Variants in SMYD5 observed in about 807,000 individuals in gnomAD.
The protein encoded by SMYD5 is SMYD family member 5.
SMYD5 carries 35 observed loss-of-function variants against 57.4 expected under a neutral mutation model. The observed-to-expected ratio is 0.61, with a 90% CI of 0.47 to 0.81. The LOEUF is 0.81. SMYD5 is among the 30% of genes least tolerant of loss of function. SMYD5 has a pLI of 0.00. For missense variants in SMYD5, 471 were observed against 527.9 expected, an observed-to-expected ratio of 0.89 and a Z score of 1.06; for synonymous variants, 198 against 189.7, an observed-to-expected ratio of 1.04 and a Z score of -0.36.
chr2:73,225,463 C>T (rs1686482007), intron 11 of SMYD5, 168 bp from the exon 12 acceptor site: 2 of 694,128 alleles, frequency 2.9e-6, no homozygotes, highest in Admixed American at 2.3e-5. Context: ...GGCCTGCCTA[C>T]TGAAGGCACT....
At chr2:73,219,054 C>G in intron 2 of SMYD5, 85 bp downstream of exon 2, 6 of 947,304 alleles carry the variant, frequency 6.3e-6, no homozygotes, top group East Asian at 2.4e-5. Flanking sequence ...GCTGACGTCT[C>G]TGGAACTCTG....
intron 9 of SMYD5, 76 bp downstream of exon 9, chr2:73,223,608 C>A: frequency 9.7e-7 from 1 of 1,030,848 alleles, no homozygotes; most frequent in Admixed American, 1.7e-5. Flanking sequence ...AAGTCTTTCC[C>A]CAGGGTGCTC....
rs764072764 is a variant in SMYD5, at chr2:73,221,798, G to A, written c.538-28G>A. On this transcript the variant is annotated intron_variant, in intron 5 of 12. Transcript: ENST00000389501. ...TGCCAGTGAGAAGGTGGGTATCTGT[G>A]ACCCTTAAGTATGTTTGTTCACTGC... is the stretch of plus-strand genomic sequence containing the variant. 108 of 1,523,898 alleles carry A rather than the reference G, an allele frequency of 7.1e-5. 1 individual carries two copies. The Middle Eastern group carries it at 1.5e-3, about 21-fold the overall frequency. The allele number at this position is 1,523,898 out of a possible 1,614,324, so 94.4% of individuals were successfully genotyped here. A position where few individuals can be genotyped will look rare whatever the true frequency, so the allele number is the denominator to read the frequency against.
chr2:73,218,203 C>G (rs1686323905), intron 1 of SMYD5, among the ~76,000 whole-genome samples: 1 of 152,240 alleles, frequency 6.6e-6, no homozygotes. Flanking sequence ...TATTATAATG[C>G]TCACTTTTCA....
In SMYD5 at chr2:73,221,754, T is replaced by C. The variant is rs542733786; in HGVS notation, c.538-72T>C. The C allele has an allele frequency of 8.7e-4, 907 of 1,045,786 alleles. 3 individuals carry two copies. The highest frequency in any genetic ancestry group is 7.8e-4 in the Non-Finnish European group (516 of 665,066). The allele number at this position is 1,045,786 out of a possible 1,614,324, so 64.8% of individuals were successfully genotyped here. ...CCCTATAAGTTCCTGTGTAGTGGTA[T>C]TTCCCAAGTGGGCGGGAGTGCCAGT... On this transcript the variant is annotated intron_variant, in intron 5 of 12. Coordinates refer to ENST00000389501, the MANE Select transcript of SMYD5 (RefSeq NM_006062.3).
intron 11 of SMYD5, 182 bp from the exon 12 acceptor site, chr2:73,225,449 T>C (rs192460252): frequency 2.1e-5 from 14 of 682,384 alleles, no homozygotes; most frequent in Non-Finnish European, 3.5e-5. Context: ...TGGAGCCTTA[T>C]AGTGGCCTGC....
chr2:73,219,915 T>C (rs1480378113), intron 2 of SMYD5, 136 bp from the exon 3 acceptor site: 15 of 1,005,308 alleles, frequency 1.5e-5, no homozygotes, highest in Non-Finnish European at 2.4e-5. Context: ...ATGTAATTAT[T>C]CATTTACTCA....
intron 1 of SMYD5, among the ~76,000 whole-genome samples, chr2:73,217,137 A>T (rs995297783): frequency 6.6e-6 from 1 of 152,022 alleles, no homozygotes; most frequent in Admixed American, 6.6e-5. Flanking sequence ...TTTTTAGTAG[A>T]GACAGGGTTT....
rs1686372050 is a variant in SMYD5 at position 73,220,782 on chromosome 2, G to A, written c.467G>A (p.Arg156Lys). The A allele has an allele frequency of 6.2e-7, 1 of 1,613,834 alleles. No individual in the cohort carries two copies. The highest frequency in any genetic ancestry group is 1.1e-5 in the South Asian group (1 of 91,072). ...HPLNKLQEAWRSIHYPPETAS... is the reference protein window; with the variant it reads ...HPLNKLQEAWKSIHYPPETAS... Reference sequence around the variant, plus strand: ...CTCAATAAGCTTCAGGAGGCATGGAGGTAGGTTTCTTTTCCTCTCTTCTTT... The same window carrying A: ...CTCAATAAGCTTCAGGAGGCATGGAAGTAGGTTTCTTTTCCTCTCTTCTTT... Residue 156 changes from arginine (R) to lysine (K), a missense_variant and splice_region_variant, in exon 4 of 13, where the codon AGG becomes AAG. Arg to Lys is a conservative substitution (Grantham distance 26, BLOSUM62 2). Transcript: ENST00000389501.
intron 3 of SMYD5, 103 bp downstream of exon 3, chr2:73,220,293 C>G: frequency 8.0e-7 from 1 of 1,255,386 alleles, no homozygotes; most frequent in Non-Finnish European, 1.1e-6. Flanking sequence ...TGGTCATGGC[C>G]CTTGAAAACT....
chr2:73,225,350 C>T (rs1181664430), intron 11 of SMYD5: 2 of 547,804 alleles, frequency 3.7e-6, no homozygotes, highest in Non-Finnish European at 6.5e-6. Flanking sequence ...ATACCAAGAC[C>T]TCTGATCCCA....
chr2:73,221,766 G>A (rs1306471687), intron 5 of SMYD5, 60 bp from the exon 6 acceptor site: 3 of 1,166,570 alleles, frequency 2.6e-6, no homozygotes, highest in African/African-American at 3.0e-5. Flanking sequence ...TCCCAAGTGG[G>A]CGGGAGTGCC....
At position 73,226,496 on chromosome 2, in the gene SMYD5, C is replaced by T. The variant is rs1268721597; in HGVS notation, c.*550C>T. The T allele has an allele frequency of 6.5e-6, 1 of 153,650 alleles. No individual in the cohort carries two copies. The highest frequency in any genetic ancestry group is 1.4e-5 in the Non-Finnish European group (1 of 69,018). 9.5% of individuals were successfully genotyped at this position (153,650 alleles called of 1,614,324 possible). Reference sequence around the variant, plus strand: ...GGATCTGGGCATCCTGAGCCCCTTCCCTGAGGCTGTCTCCTGGGAATGCTG... The same window carrying T: ...GGATCTGGGCATCCTGAGCCCCTTCTCTGAGGCTGTCTCCTGGGAATGCTG... On this transcript the variant is annotated 3_prime_UTR_variant, in exon 13 of 13. Coordinates refer to ENST00000389501, the MANE Select transcript of SMYD5 (RefSeq NM_006062.3).
chr2:73,226,017 G>A lies in SMYD5; in HGVS notation c.*71G>A. On this transcript the variant is annotated 3_prime_UTR_variant, in exon 13 of 13. Transcript: ENST00000389501. ...AGGGGGCTCTTCCCCCAGAGAAGTG[G>A]CTTGGAGGGAACTTCCCACTCCCAT... 1 of 1,512,924 alleles carries A rather than the reference G, an allele frequency of 6.6e-7. No individual in the cohort carries two copies. Among genetic ancestry groups the A allele is most frequent in the Non-Finnish European group, 8.8e-7 (1 of 1,130,150 alleles). 93.7% of individuals were successfully genotyped at this position (1,512,924 alleles called of 1,614,324 possible).
At chr2:73,219,829 G>T in intron 2 of SMYD5, 3 of 644,780 alleles carry the variant, frequency 4.7e-6, no homozygotes, top group Non-Finnish European at 8.6e-6. Context: ...AGGGCCAGGA[G>T]GTCCTTGAGA....
In SMYD5 at chr2:73,220,783, G is replaced by A. The variant is rs1397927384; in HGVS notation, c.467+1G>A. 3.7e-6 allele frequency: 6 copies of A among 1,613,856 alleles called. No homozygotes were observed. The highest frequency in any genetic ancestry group is 5.1e-6 in the Non-Finnish European group (6 of 1,179,964). On this transcript the variant is annotated splice_donor_variant, in intron 4 of 12. Transcript: ENST00000389501. LOFTEE classifies it high-confidence loss of function. ...TCAATAAGCTTCAGGAGGCATGGAGGTAGGTTTCTTTTCCTCTCTTCTTTC... is the reference window on the plus strand; with the variant it reads ...TCAATAAGCTTCAGGAGGCATGGAGATAGGTTTCTTTTCCTCTCTTCTTTC...
chr2:73,221,445 T>C (rs2103716301), intron 5 of SMYD5, among the ~76,000 whole-genome samples: 1 of 151,964 alleles, frequency 6.6e-6, no homozygotes, highest in Admixed American at 6.6e-5. Context: ...TTTTTTTTTT[T>C]TTTTTGTAAC....
intron 1 of SMYD5, among the ~76,000 whole-genome samples, chr2:73,217,158 G>C (rs547499636): frequency 1.3e-5 from 2 of 152,088 alleles, no homozygotes; most frequent in Admixed American, 1.3e-4. Context: ...CACCATATTG[G>C]TCAGGCTGGT....
Position 73,218,872 on chromosome 2 carries a change from G to C in SMYD5, c.108G>C (p.Leu36=). The C allele has an allele frequency of 6.2e-7, 1 of 1,613,900 alleles. No homozygotes were observed. ...CTCTGCCCTCTCAGGGAAAGGGGCT[G>C]TTTGCCACACAGCTCATCCGGAAGG... ...RFVSSAKGKG[L]FATQLIRKGE... Residue 36 remains leucine, a synonymous_variant, in exon 2 of 13, where the codon CTG becomes CTC. Coordinates refer to ENST00000389501, the MANE Select transcript of SMYD5 (RefSeq NM_006062.3).
Sources: allele counts gnomAD v4.1 joint callset (sites outside exome capture counted in the v4.1 genomes callset), GRCh38; gene constraint gnomAD v4.1.1; transcripts MANE v1.5; gene names NCBI Gene and HGNC (gene_info 2026-07-23, HGNC 2026-07-21).